Variants in SYT1 observed in about 807,000 individuals in gnomAD.
The protein encoded by SYT1 is synaptotagmin 1.
Under a neutral mutation model 44.8 loss-of-function variants are expected in SYT1, and 8 were observed. The ratio of observed to expected loss-of-function variants is 0.18; its 90% CI spans 0.10 to 0.32. The LOEUF (loss-of-function observed/expected upper bound fraction) is 0.32, where lower values mean the gene tolerates loss of function less well. Ranked by LOEUF, SYT1 falls within the 10% of genes least tolerant of loss-of-function variation. SYT1 has a pLI of 1.00. For missense variants in SYT1, 286 were observed against 509.3 expected (o/e 0.56, Z 4.22); for synonymous variants, 154 against 188.8 (o/e 0.82, Z 1.51).
chr12:79,059,502 A>T (rs1340553785), intron 3 of SYT1, among the ~76,000 whole-genome samples: 1 of 152,128 alleles, frequency 6.6e-6, no homozygotes, highest in Non-Finnish European at 1.5e-5. Context: ...TATTTGTGTT[A>T]GTTATAACAT....
At chr12:79,165,310 A>T (rs1871166700) in intron 3 of SYT1, among the ~76,000 whole-genome samples, 2 of 152,010 alleles carry the variant, frequency 1.3e-5, no homozygotes, top group South Asian at 4.1e-4. Context: ...GTGGTATTTA[A>T]ATAGCCAAAT....
intron 3 of SYT1, among the ~76,000 whole-genome samples, chr12:79,092,943 T>C (rs917855116): frequency 6.6e-6 from 1 of 151,726 alleles, no homozygotes; most frequent in African/African-American, 2.4e-5. Flanking sequence ...ATAATAACCA[T>C]AATTATTACT....
At chr12:78,940,240 G>A (rs1455573994) in intron 1 of SYT1, among the ~76,000 whole-genome samples, 1 of 151,906 alleles carries the variant, frequency 6.6e-6, no homozygotes, top group African/African-American at 2.4e-5. Context: ...TGGAAGATGA[G>A]GACAAGAATG....
At chr12:79,170,029 C>T (rs1187375112) in intron 3 of SYT1, among the ~76,000 whole-genome samples, 2 of 152,102 alleles carry the variant, frequency 1.3e-5, no homozygotes, top group African/African-American at 2.4e-5. Flanking sequence ...GACATGATCT[C>T]ATTCTTTTTT....
rs55899546 is a variant in SYT1 at position 79,178,969 on chromosome 12, T to G, written c.-17-38534T>G. 3.2e-4 allele frequency among the ~76,000 whole-genome samples: 15 copies of G among 46,866 alleles called. 2 individuals carry two copies. The highest frequency in any genetic ancestry group is 1.3e-3 in the African/African-American group (13 of 10,102). 30.7% of individuals were successfully genotyped at this position (46,866 alleles called of 152,430 possible). On this transcript the variant is annotated intron_variant, in intron 3 of 10. Coordinates refer to ENST00000261205, the MANE Select transcript of SYT1 (RefSeq NM_005639.3). ...ATATAGATATAGATATAGATATAGATATATAGATATAGATATATCTATATA... is the reference window on the plus strand; with the variant it reads ...ATATAGATATAGATATAGATATAGAGATATAGATATAGATATATCTATATA...
At position 79,285,871 on chromosome 12, in the gene SYT1, T is replaced by C; in HGVS notation, c.251T>C (p.Leu84Ser). 6.2e-7 allele frequency: 1 copy of C among 1,613,902 alleles called. No individual in the cohort carries two copies. The highest frequency in any genetic ancestry group is 8.5e-7 in the Non-Finnish European group (1 of 1,179,930). ...TCCFCICKKC[L>S]FKKKNKKKGK... Reference sequence around the variant, plus strand: ...TGCTTTTGTATCTGTAAGAAATGTTTGTTCAAAAAGAAAAACAAGAAGAAG... The same window carrying C: ...TGCTTTTGTATCTGTAAGAAATGTTCGTTCAAAAAGAAAAACAAGAAGAAG... Residue 84 changes from leucine (L) to serine (S), a missense_variant, in exon 5 of 11, where the codon TTG (leucine) becomes TCG (serine). Around this residue, in one of 6 missense-constraint regions of SYT1, gnomAD observed 141 missense variants for 165.7 expected, o/e 0.85. Coordinates refer to ENST00000261205, the MANE Select transcript of SYT1 (RefSeq NM_005639.3).
intron 3 of SYT1, among the ~76,000 whole-genome samples, chr12:79,118,008 A>C (rs1470809463): frequency 6.6e-6 from 1 of 152,008 alleles, no homozygotes; most frequent in Non-Finnish European, 1.5e-5. Flanking sequence ...TGGATTAGCA[A>C]ATCTGTAGCA....
chr12:79,439,468 G>A (rs1444773190), intron 9 of SYT1, among the ~76,000 whole-genome samples: 2 of 152,014 alleles, frequency 1.3e-5, no homozygotes, highest in African/African-American at 4.8e-5. Flanking sequence ...AAATAAATTG[G>A]TACTGGGATA....
rs1338612408 is a variant in SYT1 at position 79,449,913 on chromosome 12, CA to C, written c.*791del. ...CATATTACTGCATATAGAATAACAA[CA>C]AGGTGTTCCGTGTGTGTGTGTGTGT... On this transcript the variant is annotated 3_prime_UTR_variant, in exon 11 of 11. Transcript: ENST00000261205. 5 of 135,332 alleles carry C rather than the reference CA, an allele frequency of 3.7e-5. No homozygotes were observed. 8.4% of individuals were successfully genotyped at this position (135,332 alleles called of 1,614,324 possible). A position where few individuals can be genotyped will look rare whatever the true frequency, so the allele number is the denominator to read the frequency against.
At chr12:78,999,771 G>T (rs534836538) in intron 2 of SYT1, among the ~76,000 whole-genome samples, 16 of 152,154 alleles carry the variant, frequency 1.1e-4, no homozygotes, top group African/African-American at 3.1e-4. Context: ...TGGGAGAGGG[G>T]ACCATCACAA....
chr12:78,943,145 T>C (rs993883637), intron 1 of SYT1, among the ~76,000 whole-genome samples: 9 of 152,244 alleles, frequency 5.9e-5, no homozygotes, highest in African/African-American at 1.9e-4. Flanking sequence ...AGTGGCTAGT[T>C]CTTCGGTCAT....
rs147141826 is a variant in SYT1, at chr12:78,914,836, TGA to T, written c.-217+49730_-217+49731del. Among the ~76,000 whole-genome samples the T allele has an allele frequency of 5.8e-3, 878 of 152,178 alleles. 30 individuals are homozygous for T. The highest frequency in any genetic ancestry group is 0.019 in the East Asian group (100 of 5,154). On this transcript the variant is annotated intron_variant, in intron 1 of 10. Coordinates refer to ENST00000261205, the MANE Select transcript of SYT1 (RefSeq NM_005639.3). ...TCATGTAATTAAATATGTACACTTGTGAGATATGTACACAGAATACAGAGTTT... is the reference window on the plus strand; with the variant it reads ...TCATGTAATTAAATATGTACACTTGTGATATGTACACAGAATACAGAGTTT...
intron 4 of SYT1, among the ~76,000 whole-genome samples, chr12:79,225,508 G>A (rs1875465702): frequency 6.6e-6 from 1 of 152,114 alleles, no homozygotes; most frequent in Non-Finnish European, 1.5e-5. Context: ...CAAACTCCGG[G>A]TACTTTTGAT....
chr12:79,004,865 A>G lies in SYT1; in HGVS notation c.-84+26934A>G, dbSNP rs867017551. ...TGATAGATCAATATAGCTAACTCTAAGATCCTTTCTATTAAACAATAATAT... is the reference window on the plus strand; with the variant it reads ...TGATAGATCAATATAGCTAACTCTAGGATCCTTTCTATTAAACAATAATAT... On this transcript the variant is annotated intron_variant, in intron 2 of 10. Transcript: ENST00000261205. 5.9e-5 allele frequency among the ~76,000 whole-genome samples: 9 copies of G among 152,140 alleles called. 1 individual carries two copies. The highest frequency in any genetic ancestry group is 1.9e-4 in the African/African-American group (8 of 41,560).
At chr12:78,898,697 C>T (rs1002195615) in intron 1 of SYT1, among the ~76,000 whole-genome samples, 1 of 152,052 alleles carries the variant, frequency 6.6e-6, no homozygotes, top group African/African-American at 2.4e-5. Context: ...TTGCACTGCT[C>T]TCTGGGTTTT....
chr12:79,370,292 CAA>C (rs1054760261), intron 9 of SYT1, among the ~76,000 whole-genome samples: 20 of 152,140 alleles, frequency 1.3e-4, no homozygotes, highest in African/African-American at 4.6e-4. Flanking sequence ...GTTTAAGCTG[CAA>C]AATACAGAAT....
intron 3 of SYT1, among the ~76,000 whole-genome samples, chr12:79,179,431 G>GATATAGATATATCTATAT (rs1565842178): frequency 0.018 from 127 of 7,170 alleles, 14 homozygotes; most frequent in Non-Finnish European, 0.03. Context: ...TATCTATATA[G>GATATAGATATATCTATAT]ATATATCCAT....
At position 78,931,240 on chromosome 12, in the gene SYT1, AAGGAAGG is replaced by A. The variant is rs1448467289; in HGVS notation, c.-216-46557_-216-46551del. Reference sequence around the variant, plus strand: ...GAAAGAAAGAAAGAAAGAAAGAAAGAAGGAAGGAAGGAAGGAAGGAAGGAAGGAAGGA... The same window carrying A: ...GAAAGAAAGAAAGAAAGAAAGAAAGAAAGGAAGGAAGGAAGGAAGGAAGGA... On this transcript the variant is annotated intron_variant, in intron 1 of 10. Transcript: ENST00000261205. Among the ~76,000 whole-genome samples, 45 of 30,008 alleles carry A rather than the reference AAGGAAGG, an allele frequency of 1.5e-3. 2 individuals carry two copies. The highest frequency in any genetic ancestry group is 4.7e-3 in the African/African-American group (28 of 5,934). 19.7% of individuals were successfully genotyped at this position (30,008 alleles called of 152,430 possible). A position where few individuals can be genotyped will look rare whatever the true frequency, so the allele number is the denominator to read the frequency against.
intron 2 of SYT1, among the ~76,000 whole-genome samples, chr12:79,046,686 T>A (rs1427035205): frequency 6.6e-6 from 1 of 152,066 alleles, no homozygotes; most frequent in Non-Finnish European, 1.5e-5. Flanking sequence ...TATTTGTGTG[T>A]GTATGTACCT....
Sources: gnomAD v4.1 joint callset for allele counts (sites outside exome capture counted in the v4.1 genomes callset) on GRCh38, gnomAD v4.1.1 for gene constraint, gnomAD v4.1.1 regional missense constraint, MANE v1.5 for transcripts, NCBI Gene and HGNC (gene_info 2026-07-23, HGNC 2026-07-21) for gene names.